Variants in CCDC60 observed in about 807,000 individuals in gnomAD.
The protein encoded by CCDC60 is coiled-coil domain containing 60, also known as coiled-coil domain-containing protein 60.
A neutral mutation model predicts 63.5 loss-of-function variants in CCDC60; 54 were observed. The ratio of observed to expected loss-of-function variants is 0.85; its 90% CI spans 0.68 to 1.07. The LOEUF is 1.07. Ranked by LOEUF, CCDC60 falls within the 50% of genes least tolerant of loss-of-function variation. The pLI is 0.00. For missense variants in CCDC60, 651 were observed against 684.3 expected, an observed-to-expected ratio of 0.95 and a Z score of 0.54; for synonymous variants, 206 against 238.8, an observed-to-expected ratio of 0.86 and a Z score of 1.27.
At chr12:119,517,084 C>T (rs1332136658) in intron 8 of CCDC60, among the ~76,000 whole-genome samples, 1 of 152,096 alleles carries the variant, frequency 6.6e-6, no homozygotes, top group African/African-American at 2.4e-5. Flanking sequence ...AACTCCTGGA[C>T]TCAAGTGATC....
intron 13 of CCDC60, 63 bp from the exon 14 acceptor site, chr12:119,540,551 G>A (rs537127796): frequency 1.8e-6 from 2 of 1,131,136 alleles, no homozygotes; most frequent in African/African-American, 1.5e-5. Flanking sequence ...TGAGGGGAGG[G>A]AGAGAAGGTG....
chr12:119,378,563 A>G (rs1293784590), intron 1 of CCDC60, among the ~76,000 whole-genome samples: 1 of 152,156 alleles, frequency 6.6e-6, no homozygotes, highest in African/African-American at 2.4e-5. Flanking sequence ...TTGCAGGTCC[A>G]CAGACTGAGG....
chr12:119,445,452 AAAAAGG>A, intron 2 of CCDC60, among the ~76,000 whole-genome samples: 1 of 148,172 alleles, frequency 6.7e-6, no homozygotes. Context: ...AAAAAAAAAA[AAAAAGG>A]AATGCTCTGA....
intron 2 of CCDC60, among the ~76,000 whole-genome samples, chr12:119,454,727 G>T (rs1457470754): frequency 6.6e-6 from 1 of 152,208 alleles, no homozygotes; most frequent in Non-Finnish European, 1.5e-5. Context: ...GTATTCTGCT[G>T]CATGGTAGCA....
At chr12:119,384,815 G>A (rs1337435371) in intron 1 of CCDC60, among the ~76,000 whole-genome samples, 3 of 152,214 alleles carry the variant, frequency 2.0e-5, no homozygotes, top group Non-Finnish European at 4.4e-5. Flanking sequence ...GGCATCACCT[G>A]TCACCAGCTC....
At chr12:119,459,519 T>G (rs1484793090) in intron 2 of CCDC60, among the ~76,000 whole-genome samples, 1 of 152,176 alleles carries the variant, frequency 6.6e-6, no homozygotes, top group Non-Finnish European at 1.5e-5. Context: ...AACTAGCAAA[T>G]TAGCCACAAG....
rs974502467 is a variant in CCDC60 at position 119,466,206 on chromosome 12, T to C, written c.171-5788T>C. On this transcript the variant is annotated intron_variant, in intron 2 of 13. Coordinates refer to ENST00000327554, the MANE Select transcript of CCDC60 (RefSeq NM_178499.5). Reference sequence around the variant, plus strand: ...GCACTGACACCCCTCATCCCTGGCATCTCGTCCCACTTGCCTGCTCTGTTC... The same window carrying C: ...GCACTGACACCCCTCATCCCTGGCACCTCGTCCCACTTGCCTGCTCTGTTC... Among the ~76,000 whole-genome samples, 4 of 152,292 alleles carry C rather than the reference T, an allele frequency of 2.6e-5. 1 individual carries two copies. Among genetic ancestry groups the C allele is most frequent in the Admixed American group, 6.5e-5 (1 of 15,288 alleles).
chr12:119,336,105 G>A (rs190958092), intron 1 of CCDC60, among the ~76,000 whole-genome samples: 1 of 106,482 alleles, frequency 9.4e-6, no homozygotes, highest in Non-Finnish European at 1.8e-5. Flanking sequence ...GGGGTGGGGG[G>A]AGGGGGGAGG....
chr12:119,523,137 G>T, intron 10 of CCDC60, 136 bp downstream of exon 10: 1 of 816,436 alleles, frequency 1.2e-6, no homozygotes, highest in Non-Finnish European at 2.1e-6. Flanking sequence ...AAGGACAAGG[G>T]ATCCCCCAGG....
intron 1 of CCDC60, among the ~76,000 whole-genome samples, chr12:119,415,363 C>T: frequency 6.6e-6 from 1 of 152,192 alleles, no homozygotes; most frequent in East Asian, 1.9e-4. Context: ...ATGAGCAAGA[C>T]ACTTAAGGGA....
chr12:119,487,585 C>T (rs1230829501), intron 4 of CCDC60, among the ~76,000 whole-genome samples: 1 of 151,848 alleles, frequency 6.6e-6, no homozygotes, highest in Admixed American at 6.6e-5. Context: ...GAGTGAGCCA[C>T]CGTGCCTGGC....
rs74787256 is a variant in CCDC60, at chr12:119,391,875, G to A, written c.91-36808G>A. 5.3e-3 allele frequency among the ~76,000 whole-genome samples: 808 copies of A among 152,206 alleles called. 13 individuals carry two copies. The highest frequency in any genetic ancestry group is 0.018 in the African/African-American group (763 of 41,528). On this transcript the variant is annotated intron_variant, in intron 1 of 13. Transcript: ENST00000327554. The stretch of plus-strand genomic sequence containing the variant: ...TGGAAGCTTTCTGCAGTGGGGTCCC[G>A]CAGCATACCAGTGAGTTGTGTGGCA...
chr12:119,407,780 T>A (rs1342949302), intron 1 of CCDC60, among the ~76,000 whole-genome samples: 1 of 151,856 alleles, frequency 6.6e-6, no homozygotes, highest in Non-Finnish European at 1.5e-5. Context: ...CTCCAGAAGG[T>A]GTATTTCTTA....
At chr12:119,485,624 C>T (rs147986093) in intron 4 of CCDC60, among the ~76,000 whole-genome samples, 6 of 152,024 alleles carry the variant, frequency 3.9e-5, no homozygotes, top group Non-Finnish European at 7.4e-5. Flanking sequence ...TCTCTTTAGG[C>T]GTCCAAATCT....
intron 4 of CCDC60, among the ~76,000 whole-genome samples, chr12:119,484,084 A>G (rs1392940840): frequency 6.6e-6 from 1 of 152,124 alleles, no homozygotes; most frequent in African/African-American, 2.4e-5. Flanking sequence ...GTAACAAGAG[A>G]CAACATCCAC....
chr12:119,393,823 T>G (rs1956203512), intron 1 of CCDC60, among the ~76,000 whole-genome samples: 2 of 152,186 alleles, frequency 1.3e-5, no homozygotes, highest in African/African-American at 4.8e-5. Flanking sequence ...AAGGATTCAT[T>G]TAATAAATGA....
chr12:119,468,486 T>C (rs1416643291), intron 2 of CCDC60, among the ~76,000 whole-genome samples: 1 of 152,144 alleles, frequency 6.6e-6, no homozygotes, highest in African/African-American at 2.4e-5. Flanking sequence ...CAACTGACTG[T>C]CTGGGATGGA....
chr12:119,368,580 G>T (rs1432227958), intron 1 of CCDC60, among the ~76,000 whole-genome samples: 2 of 152,140 alleles, frequency 1.3e-5, no homozygotes, highest in Non-Finnish European at 2.9e-5. Context: ...CTGAGAATTT[G>T]CAACCATGGG....
At chr12:119,432,467 A>G (rs1445530626) in intron 2 of CCDC60, among the ~76,000 whole-genome samples, 1 of 152,194 alleles carries the variant, frequency 6.6e-6, no homozygotes, top group African/African-American at 2.4e-5. Flanking sequence ...AACCATCATG[A>G]CCATGTTAGT....
Sources: allele counts gnomAD v4.1 joint callset (sites outside exome capture counted in the v4.1 genomes callset), GRCh38; gene constraint gnomAD v4.1.1; transcripts MANE v1.5; gene names NCBI Gene and HGNC (gene_info 2026-07-23, HGNC 2026-07-21).